BBS2: variants seen among roughly 807,000 people sequenced by gnomAD.
BBS2 encodes the protein Bardet-Biedl syndrome 2.
Under a neutral mutation model 83.0 loss-of-function variants are expected in BBS2, and 62 were observed. That is an observed-to-expected ratio of 0.75 (90% CI 0.61 to 0.92). The LOEUF is 0.92. Ranked by LOEUF, BBS2 falls within the 40% of genes least tolerant of loss-of-function variation. The pLI, the probability that BBS2 is intolerant of heterozygous loss-of-function variation, is 0.00. For synonymous variants in BBS2, 303 were observed against 326.1 expected (o/e 0.93, Z 0.76); for missense variants, 784 against 901.0 (o/e 0.87, Z 1.66).
downstream of BBS2, among the ~76,000 whole-genome samples, chr16:56,480,359 A>AAAAAAAAAAC (rs1555519791): frequency 2.0e-4 from 29 of 142,862 alleles, 1 homozygote; most frequent in African/African-American, 7.6e-4. Flanking sequence ...ACACAAAAAA[A>AAAAAAAAAAC]AAAAAACAAA....
At chr16:56,474,986 C>A in intron 17 of BBS2, 2 of 1,608,096 alleles carry the variant, frequency 1.2e-6, no homozygotes, top group South Asian at 2.2e-5. Flanking sequence ...GATTATTCCC[C>A]GTAGGAGGGG....
chr16:56,492,640 T>G (rs1297080105), intron 15 of BBS2, among the ~76,000 whole-genome samples: 1 of 152,170 alleles, frequency 6.6e-6, no homozygotes, highest in Non-Finnish European at 1.5e-5. Context: ...GTAGATCTGA[T>G]GCTGTGGTCT....
rs541209505 is a variant in BBS2 at position 56,510,713 on chromosome 16, G to C, written c.534+146C>G. ...ATTGTTCAAAAGAGAAGAGAAAGAC[G>C]AATGGGGCCAACTGGCTGAGCATTT... On this transcript the variant is annotated intron_variant, in intron 4 of 16. Transcript: ENST00000245157. 11 of 792,876 alleles carry C rather than the reference G, an allele frequency of 1.4e-5. No homozygotes were observed. The African/African-American group carries it at 1.7e-4, about 12-fold the overall frequency. The allele number at this position is 792,876 out of a possible 1,614,324, so 49.1% of individuals were successfully genotyped here. A position where few individuals can be genotyped will look rare whatever the true frequency, so the allele number is the denominator to read the frequency against.
intron 5 of BBS2, 29 bp from the exon 6 acceptor site, chr16:56,506,253 T>C: frequency 1.3e-6 from 2 of 1,528,980 alleles, no homozygotes; most frequent in South Asian, 2.2e-5. Flanking sequence ...AAACACAACA[T>C]CTTTTCATTA....
chr16:56,491,802 CAAGAAAAGCAAATGACCGACA>C (rs1279335181), intron 15 of BBS2, among the ~76,000 whole-genome samples: 1 of 118,204 alleles, frequency 8.5e-6, no homozygotes, highest in Non-Finnish European at 1.8e-5. Context: ...TTTCTCCAAA[CAAGAAAAGCAAATGACCGACA>C]GGTATATAAA....
intron 14 of BBS2, 173 bp downstream of exon 14, chr16:56,497,569 TA>T: frequency 1.2e-6 from 1 of 809,382 alleles, no homozygotes; most frequent in Non-Finnish European, 2.0e-6. Flanking sequence ...CTTCCTTTTA[TA>T]AAATAAATCC....
intron 17 of BBS2, among the ~76,000 whole-genome samples, chr16:56,472,748 ATATTTTTACACATC>A (rs1316012735): frequency 2.6e-5 from 4 of 152,136 alleles, no homozygotes; most frequent in African/African-American, 9.7e-5. Flanking sequence ...TATGGGGGGT[ATATTTTTACACATC>A]TATTTTTAAT....
intron 5 of BBS2, among the ~76,000 whole-genome samples, chr16:56,509,150 G>A (rs1312420122): frequency 6.6e-6 from 1 of 152,134 alleles, no homozygotes; most frequent in East Asian, 1.9e-4. Flanking sequence ...GAGGAGGAAG[G>A]GGCATAAAGG....
chr16:56,502,537 A>G, intron 8 of BBS2, 81 bp from the exon 9 acceptor site: 1 of 1,610,706 alleles, frequency 6.2e-7, no homozygotes, highest in Non-Finnish European at 8.5e-7. Context: ...ACAAAAACCT[A>G]AGTTCTCCCC....
At chr16:56,513,821 T>C (rs1964647880) in intron 2 of BBS2, among the ~76,000 whole-genome samples, 1 of 152,174 alleles carries the variant, frequency 6.6e-6, no homozygotes, top group Non-Finnish European at 1.5e-5. Context: ...TTGTATACTT[T>C]AAGTAGGTTA....
intron 17 of BBS2, chr16:56,475,997 A>G (rs2144065477): frequency 6.6e-7 from 1 of 1,523,594 alleles, no homozygotes. Flanking sequence ...CCAAGATTTG[A>G]GAATAAGTTC....
At chr16:56,509,548 A>G in intron 5 of BBS2, 1 of 189,404 alleles carries the variant, frequency 5.3e-6, no homozygotes, top group Non-Finnish European at 1.1e-5. Flanking sequence ...CATTTTCCTC[A>G]TCTATAGAAA....
intron 1 of BBS2, among the ~76,000 whole-genome samples, chr16:56,515,901 G>C (rs979521309): frequency 6.6e-6 from 1 of 152,180 alleles, no homozygotes; most frequent in African/African-American, 2.4e-5. Context: ...GCTAAGACAA[G>C]AGCCTGGTGT....
rs568199854 is a variant in BBS2, at chr16:56,513,221, G to C, written c.345+1232C>G. On this transcript the variant is annotated intron_variant, in intron 2 of 16. Coordinates refer to ENST00000245157, the MANE Select transcript of BBS2 (RefSeq NM_031885.5). Reference sequence around the variant, plus strand: ...AACTTATCCTCAGGAAATAATCAGGGAAGTGGTCAAAGAGATACAGTTATT... The same window carrying C: ...AACTTATCCTCAGGAAATAATCAGGCAAGTGGTCAAAGAGATACAGTTATT... Among the ~76,000 whole-genome samples the C allele has an allele frequency of 5.3e-5, 8 of 152,278 alleles. No individual in the cohort carries two copies. In the East Asian group the frequency reaches 1.5e-3, roughly 29 times the overall value.
intron 5 of BBS2, 84 bp from the exon 6 acceptor site, chr16:56,506,308 C>T: frequency 1.0e-6 from 1 of 995,456 alleles, no homozygotes; most frequent in South Asian, 1.3e-5. Context: ...ACTTCACACT[C>T]CTTGTTACAA....
chr16:56,502,901 G>C, intron 7 of BBS2, 93 bp from the exon 8 acceptor site: 1 of 1,454,334 alleles, frequency 6.9e-7, no homozygotes. Context: ...AGGTCATTTA[G>C]TCTAGCAGTT....
intron 7 of BBS2, among the ~76,000 whole-genome samples, chr16:56,504,454 C>T (rs1457528680): frequency 6.6e-6 from 1 of 152,192 alleles, no homozygotes; most frequent in African/African-American, 2.4e-5. Context: ...GATGGCCCTC[C>T]AACTCATCAA....
chr16:56,492,946 A>G (rs1375867990), intron 15 of BBS2, among the ~76,000 whole-genome samples: 5 of 152,348 alleles, frequency 3.3e-5, no homozygotes, highest in Non-Finnish European at 5.9e-5. Context: ...CTTAAGCATT[A>G]TCTACAGTAA....
intron 17 of BBS2, among the ~76,000 whole-genome samples, chr16:56,473,649 G>A (rs1328492594): frequency 6.6e-6 from 1 of 151,136 alleles, no homozygotes; most frequent in African/African-American, 2.4e-5. Flanking sequence ...AATGGCATTC[G>A]CCTATCATTG....
Sources: allele counts gnomAD v4.1 joint callset (sites outside exome capture counted in the v4.1 genomes callset), GRCh38; gene constraint gnomAD v4.1.1; transcripts MANE v1.5; gene names NCBI Gene and HGNC (gene_info 2026-07-23, HGNC 2026-07-21).